DNAAF9: variants seen among roughly 807,000 people sequenced by gnomAD.
DNAAF9 encodes shulin.
In DNAAF9, 90 loss-of-function variants were observed where a neutral mutation model predicts 167.0. The observed-to-expected ratio is 0.54, with a 90% CI of 0.45 to 0.64. The LOEUF (loss-of-function observed/expected upper bound fraction) is 0.64. Among genes scored for constraint, DNAAF9 ranks in the 30% least tolerant of loss-of-function variants. The probability of loss-of-function intolerance (pLI) is 0.00; values close to 1 mark genes in which losing one functional copy is unlikely to be tolerated. For missense variants in DNAAF9, 1,315 were observed against 1,442.2 expected (o/e 0.91, Z 1.43); for synonymous variants, 491 against 508.8 (o/e 0.96, Z 0.47).
intron 8 of DNAAF9, among the ~76,000 whole-genome samples, chr20:3,344,829 T>C (rs1439706058): frequency 6.6e-6 from 1 of 152,188 alleles, no homozygotes. Context: ...GCACTGCCTA[T>C]GAAATGGTTT....
rs6037564 is a variant in DNAAF9 at position 3,348,366 on chromosome 20, T to G, written c.789+159A>C. On this transcript the variant is annotated intron_variant, in intron 8 of 36. Transcript: ENST00000252032. ...ATAAAAGACAACTTTTTATAAAGGG[T>G]TGGCATGGGGGGGAACTACTTTATG... 2.8e-4 allele frequency among the ~76,000 whole-genome samples: 43 copies of G among 152,168 alleles called. 2 individuals carry two copies. Among genetic ancestry groups the G allele is most frequent in the African/African-American group, 1.0e-3 (42 of 41,516 alleles).
intron 6 of DNAAF9, 72 bp downstream of exon 6, chr20:3,373,976 C>T (rs2083543352): frequency 3.3e-6 from 3 of 904,536 alleles, no homozygotes; most frequent in South Asian, 2.8e-5. Flanking sequence ...TAATAATGCA[C>T]ACTCACATGG....
intron 12 of DNAAF9, among the ~76,000 whole-genome samples, chr20:3,326,648 G>A (rs1281490262): frequency 6.6e-6 from 1 of 151,760 alleles, no homozygotes. Context: ...AGGAGCCTGA[G>A]GCTGGAGGAT....
At chr20:3,351,855 T>TTTA (rs1260755440) in intron 7 of DNAAF9, among the ~76,000 whole-genome samples, 1 of 140,854 alleles carries the variant, frequency 7.1e-6, no homozygotes, top group Non-Finnish European at 1.6e-5. Flanking sequence ...TATTTATTTA[T>TTTA]TTATTTATTT....
intron 21 of DNAAF9, among the ~76,000 whole-genome samples, chr20:3,303,849 T>C (rs1187812747): frequency 6.6e-6 from 1 of 152,138 alleles, no homozygotes; most frequent in Non-Finnish European, 1.5e-5. Flanking sequence ...TTAAGGTGAA[T>C]GGGAAGTGTT....
intron 17 of DNAAF9, among the ~76,000 whole-genome samples, chr20:3,317,039 T>C (rs1054398288): frequency 1.3e-5 from 2 of 151,710 alleles, no homozygotes; most frequent in Admixed American, 1.3e-4. Flanking sequence ...GGATTACAGA[T>C]GCGTGCCACC....
chr20:3,366,057 G>A (rs569380041), intron 6 of DNAAF9, among the ~76,000 whole-genome samples: 5 of 152,208 alleles, frequency 3.3e-5, no homozygotes, highest in Admixed American at 1.3e-4. Context: ...TCCACTTCTC[G>A]CAAACTCCTG....
chr20:3,308,150 C>T (rs1200489868), intron 20 of DNAAF9, among the ~76,000 whole-genome samples: 1 of 151,970 alleles, frequency 6.6e-6, no homozygotes, highest in Non-Finnish European at 1.5e-5. Context: ...GATGGTTTTA[C>T]CACACTTGAA....
intron 14 of DNAAF9, among the ~76,000 whole-genome samples, chr20:3,323,596 T>G (rs2069658567): frequency 6.6e-6 from 1 of 152,098 alleles, no homozygotes; most frequent in Non-Finnish European, 1.5e-5. Flanking sequence ...TGAAGCAATC[T>G]TTGTGGTGAG....
At chr20:3,359,413 G>A in intron 7 of DNAAF9, 103 bp downstream of exon 7, 1 of 808,550 alleles carries the variant, frequency 1.2e-6, no homozygotes. Context: ...TTTGACCGAA[G>A]CAAACTAAAA....
At position 3,252,534 on chromosome 20, in the gene DNAAF9, G is replaced by A. The variant is rs751764146; in HGVS notation, c.*38C>T. The A allele has an allele frequency of 8.9e-7, 1 of 1,122,188 alleles. No homozygotes were observed. Among genetic ancestry groups the A allele is most frequent in the Non-Finnish European group, 1.4e-6 (1 of 731,134 alleles). The allele number at this position is 1,122,188 out of a possible 1,614,324, so 69.5% of individuals were successfully genotyped here. On this transcript the variant is annotated 3_prime_UTR_variant, in exon 37 of 37. Coordinates refer to ENST00000252032, the MANE Select transcript of DNAAF9 (RefSeq NM_001009984.3). ...AAGACACCCGTTCGTCCATCTCCAA[G>A]GTGGACATTCTGCAGGACGTACGGG... is the stretch of plus-strand genomic sequence containing the variant.
chr20:3,370,291 C>T (rs2083490202), intron 6 of DNAAF9, among the ~76,000 whole-genome samples: 2 of 152,154 alleles, frequency 1.3e-5, no homozygotes. Flanking sequence ...CACTCTGTTG[C>T]TCAGGCTGGA....
chr20:3,348,962 C>T (rs1156957922), intron 7 of DNAAF9, among the ~76,000 whole-genome samples: 1 of 151,778 alleles, frequency 6.6e-6, no homozygotes, highest in African/African-American at 2.4e-5. Context: ...ACTTTCTGGG[C>T]GATGAAAATG....
intron 1 of DNAAF9, among the ~76,000 whole-genome samples, chr20:3,390,712 G>A (rs2083815471): frequency 6.6e-6 from 1 of 152,080 alleles, no homozygotes; most frequent in African/African-American, 2.4e-5. Context: ...AAAAATACGG[G>A]GGTGAGAGGA....
At chr20:3,370,630 G>A (rs559572500) in intron 6 of DNAAF9, among the ~76,000 whole-genome samples, 2 of 152,128 alleles carry the variant, frequency 1.3e-5, no homozygotes, top group East Asian at 1.9e-4. Flanking sequence ...GGACGGTCCC[G>A]ATCTCTTGAC....
chr20:3,264,819 C>T (rs557954028), intron 30 of DNAAF9, among the ~76,000 whole-genome samples: 2 of 152,316 alleles, frequency 1.3e-5, no homozygotes, highest in South Asian at 4.1e-4. Flanking sequence ...CCGCCTGCCT[C>T]GGCCTCCCAA....
chr20:3,387,017 C>T (rs1424092343), intron 1 of DNAAF9, among the ~76,000 whole-genome samples: 1 of 152,118 alleles, frequency 6.6e-6, no homozygotes, highest in Non-Finnish European at 1.5e-5. Flanking sequence ...TTACAGAAGA[C>T]AGCAATAAAT....
At chr20:3,327,994 T>C (rs1450061181) in intron 12 of DNAAF9, among the ~76,000 whole-genome samples, 1 of 152,158 alleles carries the variant, frequency 6.6e-6, no homozygotes, top group Non-Finnish European at 1.5e-5. Context: ...TAAGGGTGCA[T>C]TTAAAGATGC....
Position 3,327,364 on chromosome 20 carries a change from G to C in DNAAF9, c.1101-1080C>G, listed in dbSNP as rs1386641330. Among the ~76,000 whole-genome samples, 3 of 152,108 alleles carry C rather than the reference G, an allele frequency of 2.0e-5. 1 individual carries two copies. Among genetic ancestry groups the C allele is most frequent in the Admixed American group, 6.5e-5 (1 of 15,276 alleles). ...TCCAGACCCTGCCAAATGTTCCTGG[G>C]AGTGGGGAAAGATGGGGGAGGGAGG... On this transcript the variant is annotated intron_variant, in intron 12 of 36. Coordinates refer to ENST00000252032, the MANE Select transcript of DNAAF9 (RefSeq NM_001009984.3).
Sources: gnomAD v4.1 joint callset for allele counts (sites outside exome capture counted in the v4.1 genomes callset) on GRCh38, gnomAD v4.1.1 for gene constraint, MANE v1.5 for transcripts, NCBI Gene and HGNC (gene_info 2026-07-23, HGNC 2026-07-21) for gene names.